ATOSA: variants seen among roughly 807,000 people sequenced by gnomAD.
ATOSA encodes the protein atos homolog protein A.
At chr15:52,646,341 G>A in the ATOSA span, among the ~76,000 whole-genome samples, 2 of 152,194 alleles carry the variant, frequency 1.3e-5, no homozygotes, top group Non-Finnish European at 2.9e-5. Context: ...CAGTGGACCT[G>A]TCATTTCTTG....
At chr15:52,613,771 A>T in the ATOSA span, 1 of 1,613,958 alleles carries the variant, frequency 6.2e-7, no homozygotes, top group Non-Finnish European at 8.5e-7. Flanking sequence ...TTTACAGAAC[A>T]TTCAGGTGTT....
At chr15:52,616,131 T>C in the ATOSA span, among the ~76,000 whole-genome samples, 426 of 152,306 alleles carry the variant, frequency 2.8e-3, 4 homozygotes, top group East Asian at 0.027. Flanking sequence ...TAACGTACTG[T>C]GATAACCACT....
the ATOSA span, chr15:52,581,344 C>T: frequency 2.0e-5 from 3 of 152,032 alleles, no homozygotes; most frequent in Non-Finnish European, 4.4e-5. Flanking sequence ...AATATATTTA[C>T]AATATAAATA....
At chr15:52,586,638 G>A in the ATOSA span, 1 of 154,774 alleles carries the variant, frequency 6.5e-6, no homozygotes, top group South Asian at 2.0e-4. Flanking sequence ...GGACTCTCCT[G>A]AGCCAAAAGA....
At chr15:52,638,156 T>C in the ATOSA span, among the ~76,000 whole-genome samples, 14 of 152,224 alleles carry the variant, frequency 9.2e-5, no homozygotes, top group Non-Finnish European at 1.5e-4. Context: ...ATGAATAGCA[T>C]GTGAAAGAAA....
At chr15:52,609,333 G>T in the ATOSA span, 1 of 1,613,896 alleles carries the variant, frequency 6.2e-7, no homozygotes. Flanking sequence ...ACAAATTTTT[G>T]TCTTCATATG....
the ATOSA span, chr15:52,593,461 G>A: frequency 2.0e-6 from 2 of 983,090 alleles, no homozygotes; most frequent in Non-Finnish European, 2.9e-6. Context: ...TGGCATATTA[G>A]TTTGTATTCA....
the ATOSA span, chr15:52,593,549 G>A: frequency 3.9e-6 from 6 of 1,519,074 alleles, no homozygotes; most frequent in Admixed American, 1.3e-4. Context: ...TGATTTGGCA[G>A]GAAAACATAC....
chr15:52,609,998 T>G, the ATOSA span: 4 of 1,613,708 alleles, frequency 2.5e-6, no homozygotes, highest in African/African-American at 5.3e-5. Context: ...TCAGATTTAC[T>G]GCCAGTGCCT....
chr15:52,584,672 C>T, the ATOSA span: 2 of 1,303,238 alleles, frequency 1.5e-6, no homozygotes, highest in Non-Finnish European at 2.1e-6. Flanking sequence ...GTTAGAGTCA[C>T]AGTTTAAAAA....
chr15:52,709,564 C>T, the ATOSA span, among the ~76,000 whole-genome samples: 4 of 152,194 alleles, frequency 2.6e-5, no homozygotes, highest in African/African-American at 9.7e-5. Flanking sequence ...AGACTGCACG[C>T]AGCTTCCACT....
At chr15:52,649,752 T>C in the ATOSA span, 1 of 152,188 alleles carries the variant, frequency 6.6e-6, no homozygotes, top group African/African-American at 2.4e-5. Flanking sequence ...GCAATGTTAT[T>C]ATAACTGACT....
At chr15:52,688,127 G>A in the ATOSA span, among the ~76,000 whole-genome samples, 18 of 152,210 alleles carry the variant, frequency 1.2e-4, no homozygotes, top group Admixed American at 1.2e-3. Flanking sequence ...GTTTAAAGCT[G>A]CTAATTTCTG....
At chr15:52,584,139 A>C in the ATOSA span, among the ~76,000 whole-genome samples, 1 of 148,428 alleles carries the variant, frequency 6.7e-6, no homozygotes, top group Non-Finnish European at 1.5e-5. Flanking sequence ...TATATGGCTC[A>C]TATTACTTTT....
the ATOSA span, among the ~76,000 whole-genome samples, chr15:52,677,650 C>T: frequency 1.3e-5 from 2 of 152,256 alleles, no homozygotes; most frequent in East Asian, 3.8e-4. Context: ...GTTTAAAAAG[C>T]TTATGAACTT....
the ATOSA span, among the ~76,000 whole-genome samples, chr15:52,666,321 A>G: frequency 6.6e-6 from 1 of 152,232 alleles, no homozygotes; most frequent in Non-Finnish European, 1.5e-5. Context: ...GAATTTTTCT[A>G]GTTGCCCCCC....
At chr15:52,617,314 G>A in the ATOSA span, among the ~76,000 whole-genome samples, 2 of 152,098 alleles carry the variant, frequency 1.3e-5, no homozygotes, top group African/African-American at 2.4e-5. Context: ...GAGCACACAG[G>A]GAGAAGGCAG....
chr15:52,676,904 G>T, the ATOSA span, among the ~76,000 whole-genome samples: 3 of 152,060 alleles, frequency 2.0e-5, no homozygotes, highest in African/African-American at 7.2e-5. Flanking sequence ...TCTAAACTTG[G>T]CATTCTACAC....
At chr15:52,584,530 C>T in the ATOSA span, among the ~76,000 whole-genome samples, 3 of 152,180 alleles carry the variant, frequency 2.0e-5, no homozygotes, top group South Asian at 6.2e-4. Context: ...TTATATTAAA[C>T]AGCTATAAAT....
Sources: allele counts gnomAD v4.1 joint callset (sites outside exome capture counted in the v4.1 genomes callset), GRCh38; gene constraint gnomAD v4.1.1; transcripts MANE v1.5; gene names NCBI Gene and HGNC (gene_info 2026-07-23, HGNC 2026-07-21).